Variants in DPH6 observed in about 807,000 individuals in gnomAD.
DPH6 encodes the protein diphthamine biosynthesis 6, also known as diphthine--ammonia ligase.
Under a neutral mutation model 38.2 loss-of-function variants are expected in DPH6, and 33 were observed. The observed-to-expected ratio is 0.86, with a 90% CI of 0.65 to 1.15. DPH6 has a LOEUF of 1.15. DPH6 is among the 50% of genes most tolerant of loss of function. DPH6 has a pLI of 0.00. For synonymous variants in DPH6, 108 were observed against 103.0 expected, an observed-to-expected ratio of 1.05 and a Z score of -0.30; for missense variants, 325 against 320.0, an observed-to-expected ratio of 1.02 and a Z score of -0.12.
intron 3 of DPH6, among the ~76,000 whole-genome samples, chr15:35,535,737 C>T (rs1025452077): frequency 1.3e-5 from 2 of 152,066 alleles, no homozygotes; most frequent in East Asian, 3.8e-4. Flanking sequence ...AAATCTTTCG[C>T]AAACAGCTTG....
At chr15:35,477,539 T>C (rs370848639) in intron 3 of DPH6, among the ~76,000 whole-genome samples, 1 of 151,814 alleles carries the variant, frequency 6.6e-6, no homozygotes, top group Admixed American at 6.6e-5. Context: ...TGGTTCCTGG[T>C]AGATGTATTA....
chr15:35,391,888 G>A (rs930138754), intron 6 of DPH6, among the ~76,000 whole-genome samples: 2 of 152,160 alleles, frequency 1.3e-5, no homozygotes, highest in African/African-American at 2.4e-5. Flanking sequence ...AGAGGAACCC[G>A]GTACCTCATT....
At chr15:35,317,910 T>C (rs1045288641) in intron 3 of DPH6, among the ~76,000 whole-genome samples, 1 of 151,426 alleles carries the variant, frequency 6.6e-6, no homozygotes, top group Non-Finnish European at 1.5e-5. Flanking sequence ...TAAAACACAG[T>C]AAATGAATGT....
intron 3 of DPH6, among the ~76,000 whole-genome samples, chr15:35,481,760 G>A (rs2054330086): frequency 6.6e-6 from 1 of 152,138 alleles, no homozygotes; most frequent in Admixed American, 6.6e-5. Context: ...CTTAATTGTA[G>A]CTGGCTAATA....
chr15:35,496,564 A>AC (rs1360064768), intron 3 of DPH6, among the ~76,000 whole-genome samples: 1 of 95,128 alleles, frequency 1.1e-5, no homozygotes, highest in Non-Finnish European at 2.0e-5. Context: ...TCAAAAAAAA[A>AC]AAAATATATA....
intron 3 of DPH6, among the ~76,000 whole-genome samples, chr15:35,491,614 CGATATATA>C (rs1287201722): frequency 1.4e-5 from 2 of 146,262 alleles, no homozygotes; most frequent in Non-Finnish European, 3.0e-5. Flanking sequence ...ATATATATAT[CGATATATA>C]GATTTATGTC....
At chr15:35,161,701 T>G in the DPH6 span, among the ~76,000 whole-genome samples, 8 of 93,226 alleles carry the variant, frequency 8.6e-5, no homozygotes, top group Non-Finnish European at 1.8e-4. Flanking sequence ...GCTCGCTCTC[T>G]CTCTCTCTCT....
At chr15:35,483,380 C>T (rs1016469024) in intron 3 of DPH6, among the ~76,000 whole-genome samples, 3 of 151,704 alleles carry the variant, frequency 2.0e-5, no homozygotes, top group African/African-American at 4.8e-5. Context: ...AGGAGAATTG[C>T]TTAAACCCAG....
intron 3 of DPH6, among the ~76,000 whole-genome samples, chr15:35,280,614 T>C (rs1326772451): frequency 1.3e-5 from 2 of 152,202 alleles, no homozygotes; most frequent in African/African-American, 2.4e-5. Context: ...TAGGTTTTCA[T>C]AGCTACAGAG....
intron 3 of DPH6, among the ~76,000 whole-genome samples, chr15:35,491,561 A>T (rs1288908604): frequency 6.6e-6 from 1 of 151,148 alleles, no homozygotes; most frequent in African/African-American, 2.4e-5. Context: ...ACACACACAC[A>T]CACACACACA....
At chr15:35,460,742 C>A (rs943270921) in intron 3 of DPH6, among the ~76,000 whole-genome samples, 22 of 152,110 alleles carry the variant, frequency 1.4e-4, no homozygotes, top group Non-Finnish European at 2.4e-4. Context: ...GCATCACAGG[C>A]CCATTTGTTG....
At chr15:35,286,619 A>G (rs892421026) in intron 3 of DPH6, among the ~76,000 whole-genome samples, 1 of 152,246 alleles carries the variant, frequency 6.6e-6, no homozygotes, top group African/African-American at 2.4e-5. Context: ...AAAGAATTGT[A>G]AAGTCTAAAG....
intron 3 of DPH6, among the ~76,000 whole-genome samples, chr15:35,278,825 G>A (rs532556928): frequency 1.1e-4 from 16 of 152,162 alleles, no homozygotes; most frequent in African/African-American, 2.2e-4. Flanking sequence ...CAAGGCAGGC[G>A]GATCATGAGA....
intron 6 of DPH6, among the ~76,000 whole-genome samples, chr15:35,387,512 T>A (rs2052983739): frequency 6.6e-6 from 1 of 152,222 alleles, no homozygotes. Context: ...TCCTCTTTTA[T>A]TTCATTGAGC....
chr15:35,168,518 G>A, the DPH6 span, among the ~76,000 whole-genome samples: 1 of 151,926 alleles, frequency 6.6e-6, no homozygotes, highest in Non-Finnish European at 1.5e-5. Flanking sequence ...AATGATGATG[G>A]TCATTAGGGC....
chr15:35,416,661 T>C (rs1382928769), intron 5 of DPH6, among the ~76,000 whole-genome samples: 1 of 152,102 alleles, frequency 6.6e-6, no homozygotes, highest in Non-Finnish European at 1.5e-5. Context: ...CCTGATGCCT[T>C]GCTGGTTACT....
the DPH6 span, among the ~76,000 whole-genome samples, chr15:35,168,597 G>A: frequency 5.3e-5 from 8 of 152,024 alleles, no homozygotes; most frequent in African/African-American, 1.9e-4. Flanking sequence ...ATTCTGCACC[G>A]AATGCCATTA....
At chr15:35,194,705 T>C in the DPH6 span, among the ~76,000 whole-genome samples, 1 of 152,222 alleles carries the variant, frequency 6.6e-6, no homozygotes, top group Non-Finnish European at 1.5e-5. Context: ...TGGCTAGTAC[T>C]AACTACATCA....
chr15:35,350,928 T>C (rs2052505170), intron 3 of DPH6, among the ~76,000 whole-genome samples: 1 of 152,188 alleles, frequency 6.6e-6, no homozygotes, highest in Non-Finnish European at 1.5e-5. Flanking sequence ...GCTCTGCATT[T>C]ATCTATAAAG....
Sources: gnomAD v4.1 joint callset for allele counts (sites outside exome capture counted in the v4.1 genomes callset) on GRCh38, gnomAD v4.1.1 for gene constraint, MANE v1.5 for transcripts, NCBI Gene and HGNC (gene_info 2026-07-23, HGNC 2026-07-21) for gene names.